The following SPIN1 variants were observed in gnomAD, a reference collection of about 807,000 sequenced individuals.
The protein encoded by SPIN1 is spindlin 1.
A neutral mutation model predicts 26.0 loss-of-function variants in SPIN1; 3 were observed. That is an observed-to-expected ratio of 0.12 (90% confidence interval 0.05 to 0.30). The LOEUF is 0.30. Ranked by LOEUF, SPIN1 falls within the 10% of genes least tolerant of loss-of-function variation. The probability of loss-of-function intolerance (pLI) is 1.00; values close to 1 mark genes in which losing one functional copy is unlikely to be tolerated. For synonymous variants in SPIN1, 101 were observed against 116.5 expected (o/e 0.87, Z 0.86); for missense variants, 126 against 333.4 (o/e 0.38, Z 4.84).
intron 1 of SPIN1, among the ~76,000 whole-genome samples, chr9:88,396,877 T>C (rs1003106959): frequency 6.6e-6 from 1 of 152,090 alleles, no homozygotes; most frequent in Admixed American, 6.6e-5. Context: ...TACTGTAGAC[T>C]ATTGGAACAC....
At chr9:88,416,149 C>T (rs999909287) in intron 1 of SPIN1, among the ~76,000 whole-genome samples, 3 of 152,064 alleles carry the variant, frequency 2.0e-5, no homozygotes, top group African/African-American at 4.8e-5. Context: ...AACCTAAAAC[C>T]ATTGACCCTA....
rs372052401 is a variant in SPIN1 at position 88,446,408 on chromosome 9, G to GTTT, written c.53-2518_53-2516dup. Among the ~76,000 whole-genome samples, 494 of 129,850 alleles carry GTTT rather than the reference G, an allele frequency of 3.8e-3. 7 individuals are homozygous for GTTT. Among genetic ancestry groups the GTTT allele is most frequent in the African/African-American group, 0.014 (473 of 34,062 alleles). The allele number at this position is 129,850 out of a possible 152,430, so 85.2% of individuals were successfully genotyped here. A position where few individuals can be genotyped will look rare whatever the true frequency, so the allele number is the denominator to read the frequency against. On this transcript the variant is annotated intron_variant, in intron 2 of 5. Transcript: ENST00000375859. ...AAGTCCATAGGTTAGTTGGTTTGCT[G>GTTT]TTTTTTTTTTTTTTTTTGACGGAGG...
At chr9:88,402,316 T>C (rs1827204272) in intron 1 of SPIN1, among the ~76,000 whole-genome samples, 1 of 152,096 alleles carries the variant, frequency 6.6e-6, no homozygotes, top group Admixed American at 6.6e-5. Context: ...TGCTGTGTGC[T>C]GGTAACATTT....
chr9:88,457,674 C>G (rs1305472344), intron 3 of SPIN1: 1 of 227,186 alleles, frequency 4.4e-6, no homozygotes, highest in East Asian at 1.8e-4. Context: ...GGGAAAAAGA[C>G]TTTGAACCTG....
intron 1 of SPIN1, among the ~76,000 whole-genome samples, chr9:88,396,789 C>T (rs891163514): frequency 6.6e-6 from 1 of 152,054 alleles, no homozygotes; most frequent in Non-Finnish European, 1.5e-5. Flanking sequence ...TATGGGACAA[C>T]CTACTAGGCA....
At chr9:88,452,998 A>G (rs910045190) in intron 3 of SPIN1, among the ~76,000 whole-genome samples, 4 of 152,186 alleles carry the variant, frequency 2.6e-5, no homozygotes, top group African/African-American at 4.8e-5. Flanking sequence ...TTTAACATGT[A>G]TGATGTCTGT....
chr9:88,412,349 T>C (rs1827468750), intron 1 of SPIN1, among the ~76,000 whole-genome samples: 1 of 152,216 alleles, frequency 6.6e-6, no homozygotes, highest in Non-Finnish European at 1.5e-5. Context: ...TTACTAGGGA[T>C]ATCCTTGTAA....
At chr9:88,414,719 C>T (rs1827524368) in intron 1 of SPIN1, among the ~76,000 whole-genome samples, 1 of 152,124 alleles carries the variant, frequency 6.6e-6, no homozygotes, top group Non-Finnish European at 1.5e-5. Context: ...AGTACTACTA[C>T]TAATACTGTG....
At chr9:88,422,723 T>G (rs1219566382) in intron 1 of SPIN1, among the ~76,000 whole-genome samples, 4 of 152,010 alleles carry the variant, frequency 2.6e-5, no homozygotes, top group Non-Finnish European at 5.9e-5. Context: ...TCTTTTTTTT[T>G]TTTGAAATGA....
chr9:88,407,503 G>C (rs1310487773), intron 1 of SPIN1, among the ~76,000 whole-genome samples: 1 of 151,428 alleles, frequency 6.6e-6, no homozygotes, highest in East Asian at 2.0e-4. Flanking sequence ...TTTCTTCTAA[G>C]GTGTTAAAAT....
At chr9:88,449,111 T>A (rs1828309113) in intron 3 of SPIN1, 122 bp downstream of exon 3, 2 of 835,676 alleles carry the variant, frequency 2.4e-6, no homozygotes, top group African/African-American at 1.7e-5. Flanking sequence ...ATAGGAGATG[T>A]AGTGTGCGAT....
intron 1 of SPIN1, among the ~76,000 whole-genome samples, chr9:88,405,043 A>G (rs900365883): frequency 6.6e-6 from 1 of 151,972 alleles, no homozygotes; most frequent in African/African-American, 2.4e-5. Flanking sequence ...GTTGTCATCT[A>G]TGATAACAGT....
intron 1 of SPIN1, among the ~76,000 whole-genome samples, chr9:88,394,721 C>G (rs1398787934): frequency 1.3e-5 from 2 of 148,410 alleles, no homozygotes; most frequent in African/African-American, 2.5e-5. Context: ...AAGATTTTCT[C>G]TGATTATGTT....
chr9:88,443,113 C>G (rs542015264), intron 2 of SPIN1, among the ~76,000 whole-genome samples: 1 of 138,400 alleles, frequency 7.2e-6, no homozygotes, highest in South Asian at 2.1e-4. Context: ...GAACGAGACT[C>G]CATCTCAAAA....
intron 2 of SPIN1, among the ~76,000 whole-genome samples, chr9:88,435,715 TA>T (rs774695431): frequency 4.6e-5 from 7 of 152,308 alleles, no homozygotes; most frequent in African/African-American, 1.2e-4. Flanking sequence ...TAATCTGTGA[TA>T]GGGGTCATTT....
intron 1 of SPIN1, among the ~76,000 whole-genome samples, chr9:88,398,391 A>G (rs982473200): frequency 4.6e-5 from 7 of 152,076 alleles, no homozygotes; most frequent in African/African-American, 1.7e-4. Flanking sequence ...AAGCAGAACC[A>G]TTCCTGTTTT....
At chr9:88,416,070 T>A (rs1010251093) in intron 1 of SPIN1, among the ~76,000 whole-genome samples, 3 of 152,132 alleles carry the variant, frequency 2.0e-5, no homozygotes, top group African/African-American at 7.2e-5. Flanking sequence ...AACGTCTTAA[T>A]AAATTCTTGT....
rs149770267 is a variant in SPIN1, at chr9:88,438,507, A to G, written c.53-10434A>G. Reference sequence around the variant, plus strand: ...TGTATTTTCCGTGTGAACTTGAGAAAAGTTTGTATTCTGCTCCTGTTGGGC... The same window carrying G: ...TGTATTTTCCGTGTGAACTTGAGAAGAGTTTGTATTCTGCTCCTGTTGGGC... On this transcript the variant is annotated intron_variant, in intron 2 of 5. Transcript: ENST00000375859. Among the ~76,000 whole-genome samples, 134 of 152,292 alleles carry G rather than the reference A, an allele frequency of 8.8e-4. 1 individual carries two copies. The highest frequency in any genetic ancestry group is 3.0e-3 in the African/African-American group (126 of 41,560).
chr9:88,465,477 ATAG>A (rs1828649594), intron 4 of SPIN1, among the ~76,000 whole-genome samples: 2 of 152,088 alleles, frequency 1.3e-5, no homozygotes, highest in Non-Finnish European at 2.9e-5. Flanking sequence ...TGTTTTTGTC[ATAG>A]TGGTCATCCT....
Sources: allele counts gnomAD v4.1 joint callset (sites outside exome capture counted in the v4.1 genomes callset), GRCh38; gene constraint gnomAD v4.1.1; transcripts MANE v1.5; gene names NCBI Gene and HGNC (gene_info 2026-07-23, HGNC 2026-07-21).